The following UGGT2 variants were observed in gnomAD, a reference collection of about 807,000 sequenced individuals.
The protein encoded by UGGT2 is UDP-glucose glycoprotein glucosyltransferase 2.
UGGT2 carries 180 observed loss-of-function variants against 192.1 expected under a neutral mutation model. The ratio of observed to expected loss-of-function variants is 0.94; its 90% CI spans 0.83 to 1.06. The LOEUF (loss-of-function observed/expected upper bound fraction) is 1.06. UGGT2 is among the 50% of genes least tolerant of loss of function. The pLI, the probability that UGGT2 is intolerant of heterozygous loss-of-function variation, is 0.00. For synonymous variants in UGGT2, 580 were observed against 591.0 expected (o/e 0.98, Z 0.27); for missense variants, 1,849 against 1,795.7 (o/e 1.03, Z -0.54).
intron 1 of UGGT2, among the ~76,000 whole-genome samples, chr13:96,039,753 A>T (rs2053113351): frequency 6.6e-6 from 1 of 152,208 alleles, no homozygotes. Flanking sequence ...CAAGTTCACC[A>T]GTTTCAAGAT....
chr13:95,979,607 T>C (rs1459536822), intron 10 of UGGT2, among the ~76,000 whole-genome samples: 1 of 151,532 alleles, frequency 6.6e-6, no homozygotes, highest in African/African-American at 2.4e-5. Context: ...TTGAAATCTT[T>C]CTTTCTCAGT....
chr13:95,933,636 T>C (rs1469055329), intron 17 of UGGT2, among the ~76,000 whole-genome samples: 1 of 152,100 alleles, frequency 6.6e-6, no homozygotes, highest in African/African-American at 2.4e-5. Flanking sequence ...TAATTCCTCT[T>C]GGTGTGATGT....
At chr13:96,013,996 G>C (rs754329708) in intron 4 of UGGT2, among the ~76,000 whole-genome samples, 1 of 152,058 alleles carries the variant, frequency 6.6e-6, no homozygotes, top group African/African-American at 2.4e-5. Flanking sequence ...TTATTTGCCA[G>C]GCACTGTGCT....
intron 17 of UGGT2, among the ~76,000 whole-genome samples, chr13:95,928,487 C>T (rs1437831305): frequency 4.6e-5 from 7 of 150,980 alleles, no homozygotes; most frequent in Admixed American, 1.3e-4. Context: ...ACGGGGCAGC[C>T]GGTCAGAGAC....
At chr13:95,857,572 A>T (rs1414225747) in intron 33 of UGGT2, among the ~76,000 whole-genome samples, 2 of 152,276 alleles carry the variant, frequency 1.3e-5, no homozygotes, top group African/African-American at 4.8e-5. Context: ...ACTGGTAGGA[A>T]CAAATCTAAA....
intron 11 of UGGT2, among the ~76,000 whole-genome samples, chr13:95,971,297 C>T (rs1217971585): frequency 1.3e-5 from 2 of 152,122 alleles, no homozygotes; most frequent in African/African-American, 4.8e-5. Flanking sequence ...CTTCCATTTC[C>T]TTATTTTCTT....
intron 4 of UGGT2, among the ~76,000 whole-genome samples, chr13:96,017,247 A>G (rs2052367380): frequency 6.6e-6 from 1 of 152,196 alleles, no homozygotes; most frequent in African/African-American, 2.4e-5. Context: ...AAATGACTGT[A>G]ATTTGCAATG....
In UGGT2 at chr13:95,833,018, T is replaced by A; in HGVS notation, c.4437A>T (p.Lys1479Asn). 2 of 1,612,650 alleles carry A rather than the reference T, an allele frequency of 1.2e-6. No individual in the cohort carries two copies. The highest frequency in any genetic ancestry group is 8.5e-7 in the Non-Finnish European group (1 of 1,179,082). Residue 1479 changes from lysine to asparagine, a missense_variant, in exon 38 of 39, where the codon AAA (lysine) becomes AAT (asparagine). Transcript: ENST00000376747. ...NNPKTKESKL[K>N]AAARIVPEWV... Reference sequence around the variant, plus strand: ...ATTCTGGGACAATTCTGGCAGCAGCTTTTAGTTTGGATTCTTTTGTTTTGG... The same window carrying A: ...ATTCTGGGACAATTCTGGCAGCAGCATTTAGTTTGGATTCTTTTGTTTTGG...
In UGGT2 at chr13:96,043,808, C is replaced by T. The variant is rs147703939; in HGVS notation, c.158+9347G>A. 1.9e-3 allele frequency among the ~76,000 whole-genome samples: 284 copies of T among 152,132 alleles called. 3 individuals carry two copies. The highest frequency in any genetic ancestry group is 1.4e-3 in the Non-Finnish European group (94 of 67,922). ...TAATGATAAAAGGCCTTGTCCAACACGGAAATATTACAATCTGAAATATAT... is the reference window on the plus strand; with the variant it reads ...TAATGATAAAAGGCCTTGTCCAACATGGAAATATTACAATCTGAAATATAT... On this transcript the variant is annotated intron_variant, in intron 1 of 38. Transcript: ENST00000376747.
intron 10 of UGGT2, among the ~76,000 whole-genome samples, chr13:95,978,139 C>T (rs941908930): frequency 6.6e-6 from 1 of 151,790 alleles, no homozygotes; most frequent in African/African-American, 2.4e-5. Context: ...AGTGTACCTA[C>T]GTAACAAACC....
rs534941129 is a variant in UGGT2, at chr13:96,004,485, G to A, written c.661-5178C>T. On this transcript the variant is annotated intron_variant, in intron 5 of 38. Coordinates refer to ENST00000376747, the MANE Select transcript of UGGT2 (RefSeq NM_020121.4). ...GTTAATGGGTATAAAAATACAGTTAGGAAGAATAACATCTAGTGTTCAGCA... is the reference window on the plus strand; with the variant it reads ...GTTAATGGGTATAAAAATACAGTTAAGAAGAATAACATCTAGTGTTCAGCA... Among the ~76,000 whole-genome samples the A allele has an allele frequency of 5.3e-5, 8 of 152,252 alleles. No individual in the cohort carries two copies. In the South Asian group the frequency reaches 1.7e-3, roughly 32 times the overall value.
intron 30 of UGGT2, among the ~76,000 whole-genome samples, 198 bp from the exon 31 acceptor site, chr13:95,863,912 T>C (rs1319488466): frequency 1.3e-5 from 2 of 152,180 alleles, no homozygotes; most frequent in Non-Finnish European, 2.9e-5. Context: ...CTTTGTTCAG[T>C]TTCTTCAGTG....
chr13:96,051,649 AAC>A (rs1555382793), intron 1 of UGGT2, among the ~76,000 whole-genome samples: 5 of 152,058 alleles, frequency 3.3e-5, no homozygotes, highest in South Asian at 4.2e-4. Flanking sequence ...GGAAAAAAAA[AAC>A]AGTCCCATCA....
In UGGT2 at chr13:95,947,936, A is replaced by C. The variant is rs2049931411; in HGVS notation, c.1541+60T>G. 8.5e-6 allele frequency: 12 copies of C among 1,415,156 alleles called. 1 individual carries two copies. In the South Asian group the frequency reaches 1.4e-4, roughly 17 times the overall value. The allele number at this position is 1,415,156 out of a possible 1,614,324, so 87.7% of individuals were successfully genotyped here. Reference sequence around the variant, plus strand: ...GCCCTATTAATACTCTGTGTAACACAATATGAATAACATTGAATTTCCTTT... The same window carrying C: ...GCCCTATTAATACTCTGTGTAACACCATATGAATAACATTGAATTTCCTTT... On this transcript the variant is annotated intron_variant, in intron 14 of 38. Coordinates refer to ENST00000376747, the MANE Select transcript of UGGT2 (RefSeq NM_020121.4).
intron 17 of UGGT2, among the ~76,000 whole-genome samples, chr13:95,928,375 G>T (rs368951352): frequency 1.2e-5 from 1 of 86,746 alleles, no homozygotes; most frequent in Non-Finnish European, 3.4e-5. Context: ...GCTGCCGGGC[G>T]GAGACGCTCC....
rs191959133 is a variant in UGGT2 at position 95,865,368 on chromosome 13, A to G, written c.3559-1654T>C. Among the ~76,000 whole-genome samples, 484 of 152,262 alleles carry G rather than the reference A, an allele frequency of 3.2e-3. 3 individuals are homozygous for G. Among genetic ancestry groups the G allele is most frequent in the African/African-American group, 0.011 (461 of 41,570 alleles). ...TTAGAAAACAAACTGAAGGCGGCCG[A>G]GCATGGTGGCTCATGCCTGTAATCC... On this transcript the variant is annotated intron_variant, in intron 30 of 38. Transcript: ENST00000376747.
intron 27 of UGGT2, among the ~76,000 whole-genome samples, chr13:95,878,906 A>T (rs2047416637): frequency 6.6e-6 from 1 of 152,172 alleles, no homozygotes; most frequent in Non-Finnish European, 1.5e-5. Flanking sequence ...TGAAGACAGT[A>T]TTTATTTAAA....
At chr13:95,965,871 T>C (rs1037416840) in intron 12 of UGGT2, among the ~76,000 whole-genome samples, 2 of 152,090 alleles carry the variant, frequency 1.3e-5, no homozygotes, top group Non-Finnish European at 2.9e-5. Context: ...AGAATGGCTA[T>C]CATTAAAAAG....
At chr13:95,855,653 T>G (rs1486757220) in intron 34 of UGGT2, among the ~76,000 whole-genome samples, 1 of 152,054 alleles carries the variant, frequency 6.6e-6, no homozygotes. Context: ...CCTCCAAAAG[T>G]GCTGAGACTA....
Sources: allele counts gnomAD v4.1 joint callset (sites outside exome capture counted in the v4.1 genomes callset), GRCh38; gene constraint gnomAD v4.1.1; transcripts MANE v1.5; gene names NCBI Gene and HGNC (gene_info 2026-07-23, HGNC 2026-07-21).